PRIM2: variants seen among roughly 807,000 people sequenced by gnomAD.
The protein encoded by PRIM2 is DNA primase subunit 2, also known as DNA primase large subunit.
A neutral mutation model predicts 67.3 loss-of-function variants in PRIM2; 39 were observed. The observed-to-expected ratio is 0.58, with a 90% CI of 0.45 to 0.76. The LOEUF (loss-of-function observed/expected upper bound fraction) is 0.76, where lower values mean the gene tolerates loss of function less well. Among genes scored for constraint, PRIM2 ranks in the 30% least tolerant of loss-of-function variants. The probability of loss-of-function intolerance (pLI) is 0.00; values close to 1 mark genes in which losing one functional copy is unlikely to be tolerated. For synonymous variants in PRIM2, 143 were observed against 198.7 expected, an observed-to-expected ratio of 0.72 and a Z score of 2.36; for missense variants, 398 against 598.7, an observed-to-expected ratio of 0.66 and a Z score of 3.50.
the PRIM2 span, among the ~76,000 whole-genome samples, chr6:57,254,856 T>C: frequency 2.0e-4 from 31 of 152,280 alleles, no homozygotes; most frequent in Admixed American, 1.7e-3. Context: ...ATTCAGATCT[T>C]AGTTATAGAT....
At chr6:57,419,256 C>T (rs1311966977) in intron 7 of PRIM2, among the ~76,000 whole-genome samples, 1 of 151,916 alleles carries the variant, frequency 6.6e-6, no homozygotes, top group Non-Finnish European at 1.5e-5. Flanking sequence ...ATGACTGGTT[C>T]TGGAGAATGG....
Position 57,556,841 on chromosome 6 carries a change from A to T in PRIM2, c.1020+19216A>T. 4.6e-5 allele frequency among the ~76,000 whole-genome samples: 7 copies of T among 152,106 alleles called. No individual in the cohort carries two copies. The South Asian group carries it at 1.5e-3, about 32-fold the overall frequency. On this transcript the variant is annotated intron_variant, in intron 10 of 13. Transcript: ENST00000615550. ...AAACTATCAACAGAGTAAACAGACA[A>T]CCTACCAAATGGGAGAAAATATTTG...
intron 5 of PRIM2, among the ~76,000 whole-genome samples, chr6:57,345,831 T>C (rs1040552953): frequency 1.3e-5 from 2 of 152,180 alleles, no homozygotes; most frequent in Non-Finnish European, 2.9e-5. Context: ...AAGAGGTGGA[T>C]TATTCTTGAG....
chr6:57,394,421 G>C (rs1205241217), intron 7 of PRIM2, among the ~76,000 whole-genome samples: 1 of 151,782 alleles, frequency 6.6e-6, no homozygotes, highest in East Asian at 1.9e-4. Context: ...TTATTTTTTT[G>C]CAGGTATTGT....
chr6:57,520,708 C>A (rs1774594693), intron 8 of PRIM2, among the ~76,000 whole-genome samples: 3 of 152,084 alleles, frequency 2.0e-5, no homozygotes, highest in African/African-American at 7.2e-5. Flanking sequence ...AGTTCAATGT[C>A]TTTTGACAAA....
At chr6:57,291,910 G>A in the PRIM2 span, among the ~76,000 whole-genome samples, 1 of 152,134 alleles carries the variant, frequency 6.6e-6, no homozygotes. Context: ...GGCAAAAACT[G>A]GAAGCATTCC....
intron 7 of PRIM2, among the ~76,000 whole-genome samples, chr6:57,419,759 T>C (rs1202114894): frequency 6.6e-6 from 1 of 152,220 alleles, no homozygotes; most frequent in Non-Finnish European, 1.5e-5. Flanking sequence ...AATAAAGTCT[T>C]ACATTTGGGA....
chr6:57,420,237 G>T (rs1242160874), intron 7 of PRIM2, among the ~76,000 whole-genome samples: 1 of 152,194 alleles, frequency 6.6e-6, no homozygotes, highest in South Asian at 2.1e-4. Flanking sequence ...AGGCACAGTG[G>T]CTCGTGCCTG....
intron 8 of PRIM2, among the ~76,000 whole-genome samples, chr6:57,510,405 T>G (rs1181829224): frequency 2.0e-5 from 3 of 152,204 alleles, no homozygotes; most frequent in Non-Finnish European, 4.4e-5. Context: ...TAGCTTTTAG[T>G]TAATCTCACA....
At chr6:57,641,844 A>G (rs1421173553) in intron 13 of PRIM2, among the ~76,000 whole-genome samples, 1 of 152,186 alleles carries the variant, frequency 6.6e-6, no homozygotes, top group East Asian at 1.9e-4. Flanking sequence ...AGGATCTAGA[A>G]CCAGAAATAT....
chr6:57,323,722 C>T lies in PRIM2; in HGVS notation c.259-479C>T, dbSNP rs144812365. Among the ~76,000 whole-genome samples, 605 of 151,164 alleles carry T rather than the reference C, an allele frequency of 4.0e-3. 7 individuals are homozygous for T. The highest frequency in any genetic ancestry group is 0.033 in the East Asian group (167 of 5,120). On this transcript the variant is annotated intron_variant, in intron 3 of 13. Transcript: ENST00000615550. ...ACGGGCAGCAAACCACCATGGCACA[C>T]GTATACCTATGTAACAAACCTGCAC...
the PRIM2 span, among the ~76,000 whole-genome samples, chr6:57,251,563 T>G: frequency 5.3e-5 from 8 of 152,186 alleles, no homozygotes; most frequent in African/African-American, 1.7e-4. Flanking sequence ...ATGATTTCCT[T>G]TGGTTCTATT....
chr6:57,319,339 G>A (rs528035888), intron 2 of PRIM2, among the ~76,000 whole-genome samples: 6 of 152,312 alleles, frequency 3.9e-5, no homozygotes, highest in African/African-American at 1.2e-4. Context: ...AAACACTAGC[G>A]TTGTCTTCAG....
intron 7 of PRIM2, among the ~76,000 whole-genome samples, chr6:57,435,661 C>T (rs767183283): frequency 6.6e-6 from 1 of 152,198 alleles, no homozygotes; most frequent in Admixed American, 6.5e-5. Context: ...ACCTGCCTGG[C>T]TGAACTTTGC....
At chr6:57,477,828 G>A (rs1388209731) in intron 7 of PRIM2, among the ~76,000 whole-genome samples, 2 of 152,172 alleles carry the variant, frequency 1.3e-5, no homozygotes, top group African/African-American at 4.8e-5. Context: ...TTGTCTTTGT[G>A]ATTATAAGCA....
intron 8 of PRIM2, among the ~76,000 whole-genome samples, chr6:57,508,363 C>T (rs1360427366): frequency 3.2e-4 from 48 of 151,888 alleles, no homozygotes; most frequent in African/African-American, 1.2e-3. Context: ...TAAAATCTGT[C>T]TAAAAACATT....
chr6:57,306,319 A>C, the PRIM2 span, among the ~76,000 whole-genome samples: 2 of 152,086 alleles, frequency 1.3e-5, no homozygotes, highest in Non-Finnish European at 1.5e-5. Context: ...AATGCTTCCC[A>C]CTACCATCTC....
chr6:57,616,286 A>G (rs1367273731), intron 12 of PRIM2, among the ~76,000 whole-genome samples: 2 of 152,182 alleles, frequency 1.3e-5, no homozygotes, highest in Admixed American at 6.5e-5. Context: ...CATTATCCCT[A>G]TTTTACAGAT....
intron 7 of PRIM2, among the ~76,000 whole-genome samples, chr6:57,467,322 C>A (rs1452875687): frequency 6.6e-6 from 1 of 151,418 alleles, no homozygotes; most frequent in Non-Finnish European, 1.5e-5. Context: ...AGGAAGGGGT[C>A]CAGTTTCAGT....
Sources: allele counts gnomAD v4.1 joint callset (sites outside exome capture counted in the v4.1 genomes callset), GRCh38; gene constraint gnomAD v4.1.1; transcripts MANE v1.5; gene names NCBI Gene and HGNC (gene_info 2026-07-23, HGNC 2026-07-21).